The following RAPGEF1 variants were observed in gnomAD, a reference collection of about 807,000 sequenced individuals.
RAPGEF1 encodes the protein CRK SH3-binding GNRP.
A neutral mutation model predicts 143.3 loss-of-function variants in RAPGEF1; 33 were observed. The ratio of observed to expected loss-of-function variants is 0.23; its 90% CI spans 0.17 to 0.31. The LOEUF (loss-of-function observed/expected upper bound fraction) is 0.31. Ranked by LOEUF, RAPGEF1 falls within the 10% of genes least tolerant of loss-of-function variation. The pLI is 1.00. For missense variants in RAPGEF1, 1,199 were observed against 1,645.4 expected, an observed-to-expected ratio of 0.73 and a Z score of 4.69; for synonymous variants, 629 against 676.5, an observed-to-expected ratio of 0.93 and a Z score of 1.09.
rs772199835 is a variant in RAPGEF1 at position 131,583,735 on chromosome 9, C to T, written c.3414+576G>A. Among the ~76,000 whole-genome samples, 4 of 152,202 alleles carry T rather than the reference C, an allele frequency of 2.6e-5. No individual in the cohort carries two copies. Among genetic ancestry groups the T allele is most frequent in the Non-Finnish European group, 5.9e-5 (4 of 68,036 alleles). On this transcript the variant is annotated intron_variant, in intron 24 of 26. Coordinates refer to ENST00000683357, the MANE Select transcript of RAPGEF1 (RefSeq NM_001377935.1). The surrounding 1 kb of genome is among the most constrained non-coding windows in gnomAD (Gnocchi z 4.7). ...TGGTCCCCTTCTCCCGGGATGTGGT[C>T]CCCTGGCCTCCTCCTGTCCCTGGAG...
intron 1 of RAPGEF1, chr9:131,737,640 C>A (rs937947025): frequency 7.1e-7 from 1 of 1,399,826 alleles, no homozygotes; most frequent in South Asian, 1.5e-5. Context: ...GTTTGGGCAG[C>A]TCATGGGATG....
chr9:131,632,295 A>ATTTT (rs55684326), intron 5 of RAPGEF1, among the ~76,000 whole-genome samples: 4,378 of 135,952 alleles, frequency 0.032, 168 homozygotes, highest in East Asian at 0.079. Flanking sequence ...CACCCGGCTA[A>ATTTT]TTTTTTTTTT....
intron 6 of RAPGEF1, 88 bp downstream of exon 6, chr9:131,630,148 T>TG: frequency 4.0e-6 from 5 of 1,248,404 alleles, no homozygotes; most frequent in Non-Finnish European, 4.6e-6. Flanking sequence ...ACCCTCATGC[T>TG]GCCCACCCCA....
intron 1 of RAPGEF1, among the ~76,000 whole-genome samples, chr9:131,656,713 G>C (rs779455841): frequency 2.0e-5 from 3 of 152,198 alleles, no homozygotes; most frequent in Non-Finnish European, 4.4e-5. Flanking sequence ...AGACAAGTGA[G>C]GTGTAGAGGT....
At chr9:131,682,454 GCAAAAGGTTC>G (rs1414643588) in intron 1 of RAPGEF1, among the ~76,000 whole-genome samples, 1 of 152,204 alleles carries the variant, frequency 6.6e-6, no homozygotes, top group Admixed American at 6.5e-5. Flanking sequence ...GGGAACCTCC[GCAAAAGGTTC>G]CAACAGGAGT....
At chr9:131,700,080 G>A (rs1391007528) in intron 1 of RAPGEF1, among the ~76,000 whole-genome samples, 2 of 152,064 alleles carry the variant, frequency 1.3e-5, no homozygotes, top group Admixed American at 6.6e-5. Context: ...TCAACCTTCC[G>A]ATGCTCAGGA....
intron 1 of RAPGEF1, among the ~76,000 whole-genome samples, chr9:131,702,370 T>G (rs1371022963): frequency 6.6e-6 from 1 of 152,198 alleles, no homozygotes; most frequent in South Asian, 2.1e-4. Context: ...AACTCAGCAC[T>G]TGAATGAGAT....
rs1328145853 is a variant in RAPGEF1, at chr9:131,625,904, A to C, written c.1702+18T>G. 2 of 1,532,048 alleles carry C rather than the reference A, an allele frequency of 1.3e-6. No homozygotes were observed. Among genetic ancestry groups the C allele is most frequent in the African/African-American group, 2.8e-5 (2 of 72,438 alleles). 94.9% of individuals were successfully genotyped at this position (1,532,048 alleles called of 1,614,324 possible). On this transcript the variant is annotated intron_variant, in intron 10 of 26. Transcript: ENST00000683357. ...GTTATAAAATGCACTTCCTGACAAC[A>C]GTGCAACAAAGGCTTACTGTGTTTG... is the stretch of plus-strand genomic sequence containing the variant.
At chr9:131,611,248 C>A (rs1957980036) in intron 12 of RAPGEF1, among the ~76,000 whole-genome samples, 1 of 152,208 alleles carries the variant, frequency 6.6e-6, no homozygotes. Context: ...AGATGGCATT[C>A]TTCTCACCAA....
At chr9:131,590,154 G>A (rs995842831) in intron 18 of RAPGEF1, among the ~76,000 whole-genome samples, 176 bp from the exon 19 acceptor site, 6 of 152,090 alleles carry the variant, frequency 3.9e-5, no homozygotes, top group Non-Finnish European at 8.8e-5. Flanking sequence ...TGCAAAGCCA[G>A]GATTTGAGCA....
chr9:131,601,448 T>C (rs1023716080), intron 15 of RAPGEF1, among the ~76,000 whole-genome samples: 8 of 152,108 alleles, frequency 5.3e-5, no homozygotes, highest in African/African-American at 1.9e-4. Flanking sequence ...TCGTGGGTAA[T>C]TTGTAAGGTA....
chr9:131,600,213 A>G (rs1169971961), intron 15 of RAPGEF1, among the ~76,000 whole-genome samples: 3 of 152,180 alleles, frequency 2.0e-5, no homozygotes, highest in African/African-American at 4.8e-5. Flanking sequence ...CATCTCGTCA[A>G]TGTTCACCCT....
chr9:131,670,717 C>T (rs1200749662), intron 1 of RAPGEF1, among the ~76,000 whole-genome samples: 1 of 152,176 alleles, frequency 6.6e-6, no homozygotes, highest in Non-Finnish European at 1.5e-5. Context: ...CTGGCTCTCT[C>T]GACTTGGGAG....
intron 16 of RAPGEF1, among the ~76,000 whole-genome samples, chr9:131,596,922 A>G (rs1955405037): frequency 6.6e-6 from 1 of 152,206 alleles, no homozygotes; most frequent in Non-Finnish European, 1.5e-5. Context: ...CCCTTCCTTA[A>G]AGGAGAGCAA....
rs372231302 is a variant in RAPGEF1 at position 131,621,781 on chromosome 9, G to C, written c.1905+15C>G. 6.3e-7 allele frequency: 1 copy of C among 1,591,928 alleles called. No individual in the cohort carries two copies. The highest frequency in any genetic ancestry group is 8.5e-7 in the Non-Finnish European group (1 of 1,169,814). ...AGGATCGGAAGTTCTAGTCACAAGG[G>C]AAGGTGTCACTCACCAGCTGCCGCT... On this transcript the variant is annotated intron_variant, in intron 11 of 26. Coordinates refer to ENST00000683357, the MANE Select transcript of RAPGEF1 (RefSeq NM_001377935.1). This position sits in a 1 kb window ranked among gnomAD's most constrained non-coding sequence, Gnocchi z 4.5.
chr9:131,589,989 G>A lies in RAPGEF1; in HGVS notation c.2775-11C>T, dbSNP rs1425494768. 3.1e-6 allele frequency: 5 copies of A among 1,611,674 alleles called. No individual in the cohort carries two copies. Among genetic ancestry groups the A allele is most frequent in the African/African-American group, 1.3e-5 (1 of 74,846 alleles). On this transcript the variant is annotated splice_polypyrimidine_tract_variant and intron_variant, in intron 18 of 26. Coordinates refer to ENST00000683357, the MANE Select transcript of RAPGEF1 (RefSeq NM_001377935.1). ...GAGAATTTCTCATATGTGGAGCACG[G>A]GTTAAAGAAATAGCCATGTGGTCGG...
chr9:131,663,268 T>C (rs891128274), intron 1 of RAPGEF1, among the ~76,000 whole-genome samples: 1 of 152,208 alleles, frequency 6.6e-6, no homozygotes, highest in Non-Finnish European at 1.5e-5. Context: ...AAATTTATTT[T>C]TCATCAAAGC....
intron 1 of RAPGEF1, among the ~76,000 whole-genome samples, chr9:131,685,986 C>T (rs1035411110): frequency 2.0e-5 from 3 of 151,038 alleles, no homozygotes; most frequent in Admixed American, 1.3e-4. Context: ...GGCGAGGTGA[C>T]TGCTTCTTCA....
At position 131,607,619 on chromosome 9, in the gene RAPGEF1, T is replaced by G. The variant is rs1457356966; in HGVS notation, c.2062-2431A>C. 2.0e-5 allele frequency among the ~76,000 whole-genome samples: 3 copies of G among 152,264 alleles called. No homozygotes were observed. The East Asian group carries it at 5.8e-4, about 29-fold the overall frequency. ...TTCAGGGAACCCTTGTATGACTGTTTCAGGGAGTGGCTCAATCTTTTGTAG... is the reference window on the plus strand; with the variant it reads ...TTCAGGGAACCCTTGTATGACTGTTGCAGGGAGTGGCTCAATCTTTTGTAG... On this transcript the variant is annotated intron_variant, in intron 12 of 26. Transcript: ENST00000683357.
Sources: allele counts gnomAD v4.1 joint callset (sites outside exome capture counted in the v4.1 genomes callset), GRCh38; gene constraint gnomAD v4.1.1; non-coding constraint Gnocchi (gnomAD v3.1); transcripts MANE v1.5; gene names NCBI Gene and HGNC (gene_info 2026-07-23, HGNC 2026-07-21).